Variants in XXYLT1 observed in about 807,000 individuals in gnomAD.
The protein encoded by XXYLT1 is xyloside xylosyltransferase 1, also known as UDP-xylose:alpha-xyloside alpha-1,3-xylosyltransferase.
Under a neutral mutation model 28.9 loss-of-function variants are expected in XXYLT1, and 20 were observed. The observed-to-expected ratio is 0.69, with a 90% CI of 0.49 to 1.00. The LOEUF is 1.00. Among genes scored for constraint, XXYLT1 ranks in the 50% least tolerant of loss-of-function variants. The probability of loss-of-function intolerance (pLI) is 0.00; values close to 1 mark genes in which losing one functional copy is unlikely to be tolerated. For missense variants in XXYLT1, 542 were observed against 560.1 expected (o/e 0.97, Z 0.33); for synonymous variants, 257 against 253.8 (o/e 1.01, Z -0.12).
intron 3 of XXYLT1, among the ~76,000 whole-genome samples, chr3:195,137,382 C>T (rs1283883278): frequency 6.6e-6 from 1 of 152,196 alleles, no homozygotes; most frequent in Admixed American, 6.5e-5. Flanking sequence ...AGTTTCTGCA[C>T]CTTTGCCATT....
Position 195,270,409 on chromosome 3 carries a change from G to A in XXYLT1, c.504+146C>T, listed in dbSNP as rs926609299. ...GACACGCCCCCGAACGAGCCCTCCC[G>A]CAGGTTGTGAACACTACATTGCAAG... On this transcript the variant is annotated intron_variant, in intron 1 of 3. Coordinates refer to ENST00000310380, the MANE Select transcript of XXYLT1 (RefSeq NM_152531.5). 1.4e-5 allele frequency: 19 copies of A among 1,324,806 alleles called. No individual in the cohort carries two copies. In the South Asian group the frequency reaches 3.9e-4, roughly 27 times the overall value. 82.1% of individuals were successfully genotyped at this position (1,324,806 alleles called of 1,614,324 possible).
chr3:195,174,541 T>C (rs1721563620), intron 2 of XXYLT1, among the ~76,000 whole-genome samples: 2 of 152,036 alleles, frequency 1.3e-5, no homozygotes, highest in African/African-American at 4.8e-5. Flanking sequence ...TCTCATTATG[T>C]TGCCCAGGCT....
At chr3:195,110,209 TGTGC>T (rs1298331812) in intron 3 of XXYLT1, among the ~76,000 whole-genome samples, 3 of 46,454 alleles carry the variant, frequency 6.5e-5, no homozygotes, top group African/African-American at 5.8e-5. Context: ...ATGTGTGGTG[TGTGC>T]GTGTGTGGTG....
chr3:195,164,351 T>C (rs1721011768), intron 2 of XXYLT1, among the ~76,000 whole-genome samples: 1 of 152,262 alleles, frequency 6.6e-6, no homozygotes, highest in Non-Finnish European at 1.5e-5. Flanking sequence ...GGACTCTTGC[T>C]TGCTTCCCCT....
Position 195,173,738 on chromosome 3 carries a change from A to G in XXYLT1, c.653-17157T>C, listed in dbSNP as rs1441057011. 2.0e-5 allele frequency among the ~76,000 whole-genome samples: 3 copies of G among 152,196 alleles called. No homozygotes were observed. Among genetic ancestry groups the G allele is most frequent in the Admixed American group, 2.0e-4 (3 of 15,284 alleles). On this transcript the variant is annotated intron_variant, in intron 2 of 3. Coordinates refer to ENST00000310380, the MANE Select transcript of XXYLT1 (RefSeq NM_152531.5). This position sits in a 1 kb window ranked among gnomAD's most constrained non-coding sequence, Gnocchi z 4.3. ...TGGATAAAGTGAACTTCACTTTAGA[A>G]AGCAGAAGGAGCTTTGCATCTCAGG...
chr3:195,121,119 C>T (rs1446353628), intron 3 of XXYLT1, among the ~76,000 whole-genome samples: 3 of 152,334 alleles, frequency 2.0e-5, no homozygotes, highest in East Asian at 3.9e-4. Context: ...CACAGCACAC[C>T]GGCCATGCCC....
chr3:195,122,150 A>G, intron 3 of XXYLT1: 1 of 702,954 alleles, frequency 1.4e-6, no homozygotes, highest in Non-Finnish European at 2.6e-6. Flanking sequence ...GGGGTGACAG[A>G]GCTCTTCAGG....
intron 1 of XXYLT1, among the ~76,000 whole-genome samples, chr3:195,258,705 A>G (rs1725568785): frequency 6.6e-6 from 1 of 152,228 alleles, no homozygotes; most frequent in African/African-American, 2.4e-5. Flanking sequence ...TCTTCCTTCC[A>G]GCAGGAAAGA....
At chr3:195,215,864 T>G (rs1010576375) in intron 2 of XXYLT1, among the ~76,000 whole-genome samples, 15 of 152,158 alleles carry the variant, frequency 9.9e-5, no homozygotes, top group Non-Finnish European at 2.1e-4. Flanking sequence ...ATCAACAGAA[T>G]ATACATTTTT....
At chr3:195,074,003 A>G (rs1332736162) in intron 3 of XXYLT1, among the ~76,000 whole-genome samples, 1 of 152,130 alleles carries the variant, frequency 6.6e-6, no homozygotes, top group African/African-American at 2.4e-5. Flanking sequence ...TCCCCAGTAA[A>G]GGGCACACGT....
chr3:195,140,110 T>C (rs920243630), intron 3 of XXYLT1, among the ~76,000 whole-genome samples: 5 of 152,170 alleles, frequency 3.3e-5, no homozygotes, highest in African/African-American at 1.2e-4. Context: ...TAATGTGCAC[T>C]AAAAGCAGCT....
chr3:195,162,545 T>A (rs1468192788), intron 2 of XXYLT1, among the ~76,000 whole-genome samples: 1 of 152,226 alleles, frequency 6.6e-6, no homozygotes, highest in Non-Finnish European at 1.5e-5. Flanking sequence ...CCTCTCAAAA[T>A]GAAGCATGAA....
chr3:195,124,226 G>C lies in XXYLT1; in HGVS notation c.785+32223C>G, dbSNP rs1718505612. Among the ~76,000 whole-genome samples, 3 of 152,228 alleles carry C rather than the reference G, an allele frequency of 2.0e-5. No homozygotes were observed. Among genetic ancestry groups the C allele is most frequent in the Non-Finnish European group, 2.9e-5 (2 of 68,048 alleles). ...AGAGACAGAGGGCCAGGGTGGTTAC[G>C]CAGTAAGCCAGATCTCAGGTAGAGT... On this transcript the variant is annotated intron_variant, in intron 3 of 3. Coordinates refer to ENST00000310380, the MANE Select transcript of XXYLT1 (RefSeq NM_152531.5). This position sits in a 1 kb window ranked among gnomAD's most constrained non-coding sequence, Gnocchi z 4.1.
intron 3 of XXYLT1, among the ~76,000 whole-genome samples, chr3:195,139,469 G>T (rs938051690): frequency 3.3e-5 from 5 of 152,164 alleles, no homozygotes; most frequent in Non-Finnish European, 4.4e-5. Context: ...TTTGGCAAAG[G>T]TACCTCCACG....
chr3:195,099,697 G>A (rs566461709), intron 3 of XXYLT1, among the ~76,000 whole-genome samples: 14 of 152,176 alleles, frequency 9.2e-5, no homozygotes, highest in African/African-American at 2.6e-4. Context: ...CGGGCGTGGT[G>A]GTGGGCACCT....
chr3:195,258,772 G>C (rs1725571471), intron 1 of XXYLT1, among the ~76,000 whole-genome samples: 2 of 152,236 alleles, frequency 1.3e-5, no homozygotes, highest in African/African-American at 2.4e-5. Context: ...TGCTTTCAGA[G>C]AGAGGCAAAC....
In XXYLT1 at chr3:195,103,117, G is replaced by A. The variant is rs113673013; in HGVS notation, c.786-33006C>T. 5.9e-3 allele frequency among the ~76,000 whole-genome samples: 892 copies of A among 152,344 alleles called. 4 individuals are homozygous for A. The highest frequency in any genetic ancestry group is 8.2e-3 in the Non-Finnish European group (560 of 68,032). On this transcript the variant is annotated intron_variant, in intron 3 of 3. Coordinates refer to ENST00000310380, the MANE Select transcript of XXYLT1 (RefSeq NM_152531.5). Reference sequence around the variant, plus strand: ...CCTGCACTGAACGGGGAGAAGTGGCGGCTCACGCTAGTAACAGTCAGTGCT... The same window carrying A: ...CCTGCACTGAACGGGGAGAAGTGGCAGCTCACGCTAGTAACAGTCAGTGCT...
At chr3:195,088,340 GA>G (rs1438832556) in intron 3 of XXYLT1, among the ~76,000 whole-genome samples, 11 of 148,938 alleles carry the variant, frequency 7.4e-5, no homozygotes, top group African/African-American at 1.7e-4. Flanking sequence ...GGAGATCTGA[GA>G]ACGGGCAGAC....
In XXYLT1 at chr3:195,210,593, C is replaced by A. The variant is rs1032395482; in HGVS notation, c.652+16116G>T. Among the ~76,000 whole-genome samples the A allele has an allele frequency of 1.3e-5, 2 of 152,188 alleles. No individual in the cohort carries two copies. Among genetic ancestry groups the A allele is most frequent in the African/African-American group, 4.8e-5 (2 of 41,442 alleles). On this transcript the variant is annotated intron_variant, in intron 2 of 3. Coordinates refer to ENST00000310380, the MANE Select transcript of XXYLT1 (RefSeq NM_152531.5). This position sits in a 1 kb window ranked among gnomAD's most constrained non-coding sequence, Gnocchi z 4.8. ...AAATATTACTGTTCAACCAATTTGG[C>A]AACTATTTTCATTAGCTTAGAAAGA...
Sources: allele counts gnomAD v4.1 joint callset (sites outside exome capture counted in the v4.1 genomes callset), GRCh38; gene constraint gnomAD v4.1.1; non-coding constraint Gnocchi (gnomAD v3.1); transcripts MANE v1.5; gene names NCBI Gene and HGNC (gene_info 2026-07-23, HGNC 2026-07-21).